Variants in GNA12 observed in about 807,000 individuals in gnomAD.
The protein encoded by GNA12 is guanine nucleotide-binding protein subunit alpha-12.
GNA12 carries 9 observed loss-of-function variants against 26.0 expected under a neutral mutation model. The ratio of observed to expected loss-of-function variants is 0.35; its 90% CI spans 0.21 to 0.60. The LOEUF is 0.60. Among genes scored for constraint, GNA12 ranks in the 20% least tolerant of loss-of-function variants. The probability of loss-of-function intolerance (pLI) is 0.78; values close to 1 mark genes in which losing one functional copy is unlikely to be tolerated. For missense variants in GNA12, 405 were observed against 525.8 expected, an observed-to-expected ratio of 0.77 and a Z score of 2.25; for synonymous variants, 264 against 219.6, an observed-to-expected ratio of 1.20 and a Z score of -1.79.
At chr7:2,796,974 C>T (rs1043507914) in intron 1 of GNA12, among the ~76,000 whole-genome samples, 2 of 152,180 alleles carry the variant, frequency 1.3e-5, no homozygotes, top group Non-Finnish European at 2.9e-5. Flanking sequence ...GTATGGTCTA[C>T]ACTGGGGGTA....
intron 1 of GNA12, among the ~76,000 whole-genome samples, chr7:2,804,462 C>G (rs1454362023): frequency 6.6e-6 from 1 of 152,198 alleles, no homozygotes; most frequent in Non-Finnish European, 1.5e-5. Flanking sequence ...GGGCCAGACT[C>G]TTGTAGATGA....
intron 1 of GNA12, among the ~76,000 whole-genome samples, chr7:2,840,679 T>G (rs1171233580): frequency 6.6e-6 from 1 of 152,156 alleles, no homozygotes; most frequent in South Asian, 2.1e-4. Flanking sequence ...GGCAACATAG[T>G]GAGACCCCAT....
At position 2,799,864 on chromosome 7, in the gene GNA12, A is replaced by G. The variant is rs78887573; in HGVS notation, c.310-4721T>C. Among the ~76,000 whole-genome samples the G allele has an allele frequency of 1.3e-3, 197 of 152,254 alleles. 6 individuals are homozygous for G. In the East Asian group the frequency reaches 0.035, roughly 27 times the overall value. On this transcript the variant is annotated intron_variant, in intron 1 of 3. Coordinates refer to ENST00000275364, the MANE Select transcript of GNA12 (RefSeq NM_007353.3). ...CTAAAAAACCAACCACCAAACCAAG[A>G]CAACCAGCGGCAACACCAAGCGGAG...
chr7:2,822,386 T>C (rs1259813149), intron 1 of GNA12, among the ~76,000 whole-genome samples: 7 of 152,186 alleles, frequency 4.6e-5, no homozygotes, highest in Admixed American at 2.0e-4. Flanking sequence ...GCCTGAGACC[T>C]GGCACACTCT....
At chr7:2,733,963 G>A (rs1243571690) in intron 2 of GNA12, among the ~76,000 whole-genome samples, 1 of 152,242 alleles carries the variant, frequency 6.6e-6, no homozygotes, top group African/African-American at 2.4e-5. Context: ...TGACGAAAAG[G>A]AGCATCTAGC....
intron 1 of GNA12, among the ~76,000 whole-genome samples, chr7:2,810,723 T>C (rs918818897): frequency 6.6e-6 from 1 of 152,032 alleles, no homozygotes; most frequent in African/African-American, 2.4e-5. Context: ...GCCCTATCTA[T>C]CTCTGCTAAA....
At chr7:2,811,025 G>A (rs1793069889) in intron 1 of GNA12, among the ~76,000 whole-genome samples, 1 of 152,208 alleles carries the variant, frequency 6.6e-6, no homozygotes, top group South Asian at 2.1e-4. Context: ...GAGATGGCAA[G>A]TCCCAAGAAT....
intron 2 of GNA12, among the ~76,000 whole-genome samples, chr7:2,742,288 T>A (rs1790546304): frequency 6.6e-6 from 1 of 152,134 alleles, no homozygotes; most frequent in Non-Finnish European, 1.5e-5. Context: ...AGTGCTGGGA[T>A]TACAGGTGTG....
chr7:2,843,970 G>A lies in GNA12; in HGVS notation c.192C>T (p.Gly64=), dbSNP rs370411084. 5.0e-6 allele frequency: 8 copies of A among 1,588,766 alleles called. No individual in the cohort carries two copies. In the Admixed American group the frequency reaches 8.6e-5, roughly 17 times the overall value. ...ACGTGGACTTGCCGCTCTCGCCCGC[G>A]CCCAGCAGCAGGATCTTCACCAGGC... The part of the protein sequence containing the change: ...VRRLVKILLL[G]AGESGKSTFL... Residue 64 remains glycine (G), a synonymous_variant, in exon 1 of 4, where the codon GGC becomes GGT. Coordinates refer to ENST00000275364, the MANE Select transcript of GNA12 (RefSeq NM_007353.3).
chr7:2,821,994 G>C (rs757754287), intron 1 of GNA12, among the ~76,000 whole-genome samples: 2 of 152,284 alleles, frequency 1.3e-5, no homozygotes, highest in East Asian at 3.9e-4. Context: ...CCAGGCCCTC[G>C]CATGCCCGCC....
rs188219564 is a variant in GNA12 at position 2,826,834 on chromosome 7, G to A, written c.309+17019C>T. ...TAGAACAAGGAGGATTTTTAGGGCA[G>A]TGAAACTATTTTGAATGATGCCATA... is the stretch of plus-strand genomic sequence containing the variant. On this transcript the variant is annotated intron_variant, in intron 1 of 3. Transcript: ENST00000275364. Among the ~76,000 whole-genome samples the A allele has an allele frequency of 2.4e-3, 364 of 152,314 alleles. 1 individual carries two copies. The highest frequency in any genetic ancestry group is 4.1e-3 in the Admixed American group (62 of 15,300).
intron 1 of GNA12, among the ~76,000 whole-genome samples, chr7:2,842,380 C>A (rs1184852865): frequency 6.6e-6 from 1 of 152,106 alleles, no homozygotes; most frequent in Non-Finnish European, 1.5e-5. Context: ...CTCACTGCAG[C>A]CTCAACCTCC....
chr7:2,749,990 G>A (rs1415025494), intron 2 of GNA12, among the ~76,000 whole-genome samples: 14 of 152,208 alleles, frequency 9.2e-5, no homozygotes, highest in Admixed American at 9.2e-4. Flanking sequence ...AATGTTTTTA[G>A]AAGCAGAAAA....
At chr7:2,759,657 G>A (rs1791466136) in intron 2 of GNA12, among the ~76,000 whole-genome samples, 1 of 152,188 alleles carries the variant, frequency 6.6e-6, no homozygotes, top group Non-Finnish European at 1.5e-5. Context: ...TGTTCATGCT[G>A]TTTCACGCTG....
At chr7:2,762,257 A>G in intron 2 of GNA12, 1 of 213,216 alleles carries the variant, frequency 4.7e-6, no homozygotes, top group African/African-American at 2.3e-5. Flanking sequence ...CACCACCCTG[A>G]CTTAGGGTCG....
At chr7:2,759,504 G>A (rs1224418488) in intron 2 of GNA12, among the ~76,000 whole-genome samples, 1 of 152,200 alleles carries the variant, frequency 6.6e-6, no homozygotes, top group African/African-American at 2.4e-5. Flanking sequence ...TTTAGGAATA[G>A]GTGGTAAAAA....
chr7:2,764,861 T>C (rs919082052), intron 2 of GNA12: 3 of 152,220 alleles, frequency 2.0e-5, no homozygotes, highest in African/African-American at 4.8e-5. Flanking sequence ...GTCCTCTTAG[T>C]GAATGAGGTC....
intron 2 of GNA12, among the ~76,000 whole-genome samples, chr7:2,766,173 T>C (rs1299517094): frequency 6.6e-6 from 1 of 152,200 alleles, no homozygotes; most frequent in Non-Finnish European, 1.5e-5. Context: ...TTTGTTTCTA[T>C]GCATTTGACT....
chr7:2,738,776 T>A (rs1028985239), intron 2 of GNA12, among the ~76,000 whole-genome samples: 12 of 152,016 alleles, frequency 7.9e-5, no homozygotes, highest in Non-Finnish European at 1.6e-4. Context: ...ATGAACCCAA[T>A]AGGACAATAA....
Sources: allele counts gnomAD v4.1 joint callset (sites outside exome capture counted in the v4.1 genomes callset), GRCh38; gene constraint gnomAD v4.1.1; transcripts MANE v1.5; gene names NCBI Gene and HGNC (gene_info 2026-07-23, HGNC 2026-07-21).